PALMD: variants seen among roughly 807,000 people sequenced by gnomAD.
PALMD encodes the protein paralemmin-like protein.
In PALMD, 42 loss-of-function variants were observed where a neutral mutation model predicts 56.2. That is an observed-to-expected ratio of 0.75 (90% confidence interval 0.58 to 0.97). The LOEUF is 0.97. Ranked by LOEUF, PALMD falls within the 50% of genes least tolerant of loss-of-function variation. The probability of loss-of-function intolerance (pLI) is 0.00; values close to 1 mark genes in which losing one functional copy is unlikely to be tolerated. For synonymous variants in PALMD, 242 were observed against 222.9 expected (o/e 1.09, Z -0.76); for missense variants, 660 against 643.8 (o/e 1.03, Z -0.27).
intron 1 of PALMD, among the ~76,000 whole-genome samples, chr1:99,660,083 C>T (rs1246649685): frequency 6.6e-6 from 1 of 152,232 alleles, no homozygotes; most frequent in Non-Finnish European, 1.5e-5. Context: ...ATGCTCTTCT[C>T]TATGGGCTTT....
intron 3 of PALMD, among the ~76,000 whole-genome samples, chr1:99,674,254 G>T (rs1013386320): frequency 3.3e-5 from 5 of 151,724 alleles, no homozygotes; most frequent in Non-Finnish European, 5.9e-5. Flanking sequence ...ATGGTTACTG[G>T]CCCCCACCAT....
intron 1 of PALMD, among the ~76,000 whole-genome samples, chr1:99,655,338 A>G (rs1652698112): frequency 6.6e-6 from 1 of 152,156 alleles, no homozygotes; most frequent in East Asian, 1.9e-4. Context: ...TATTATTAAA[A>G]CCGTCTTAAC....
At chr1:99,648,378 C>T (rs146334032) in intron 1 of PALMD, among the ~76,000 whole-genome samples, 27 of 152,240 alleles carry the variant, frequency 1.8e-4, no homozygotes, top group African/African-American at 6.5e-4. Context: ...TCCTCGCCCT[C>T]GCCCTTGCCT....
At position 99,686,684 on chromosome 1, in the gene PALMD, AAG is replaced by A. The variant is rs1288902971; in HGVS notation, c.264_265del (p.Glu88AspfsTer5). ...TACCTTTTTGTTGTCAGGCTTGAGA[AAG>A]AGATCCAAGATCTTGAAAAAGCTGA... On this transcript the variant is annotated frameshift_variant, in exon 4 of 8. Coordinates refer to ENST00000263174, the MANE Select transcript of PALMD (RefSeq NM_017734.5). LOFTEE classifies it high-confidence loss of function. 6.4e-7 allele frequency: 1 copy of A among 1,574,356 alleles called. No homozygotes were observed. The highest frequency in any genetic ancestry group is 1.7e-5 in the Admixed American group (1 of 57,816).
intron 3 of PALMD, among the ~76,000 whole-genome samples, chr1:99,681,316 T>C (rs535546702): frequency 6.6e-6 from 1 of 152,258 alleles, no homozygotes; most frequent in Non-Finnish European, 1.5e-5. Flanking sequence ...TGATTTCAAA[T>C]TCCATCCTAT....
chr1:99,646,243 C>G lies in PALMD; in HGVS notation c.-75C>G. 1.7e-6 allele frequency: 2 copies of G among 1,184,120 alleles called. No homozygotes were observed. Among genetic ancestry groups the G allele is most frequent in the Non-Finnish European group, 2.5e-6 (2 of 789,174 alleles). 73.4% of individuals were successfully genotyped at this position (1,184,120 alleles called of 1,614,324 possible). ...TGCTTCTCTTCTGTCACCCCCGCTC[C>G]TCTCCCCCAGGAGGCTCCTTGATTT... On this transcript the variant is annotated 5_prime_UTR_variant, in exon 1 of 8. Coordinates refer to ENST00000263174, the MANE Select transcript of PALMD (RefSeq NM_017734.5).
At chr1:99,655,759 C>T (rs540291857) in intron 1 of PALMD, among the ~76,000 whole-genome samples, 6 of 152,296 alleles carry the variant, frequency 3.9e-5, no homozygotes, top group East Asian at 3.9e-4. Flanking sequence ...GCTTTGATTT[C>T]GCTTTAGACA....
chr1:99,693,979 A>AT (rs776843358), intron 7 of PALMD, 40 bp from the exon 8 acceptor site: 60 of 1,479,536 alleles, frequency 4.1e-5, no homozygotes, highest in Middle Eastern at 1.8e-4. Flanking sequence ...AAAATTGAGG[A>AT]TTTTTTTTAT....
chr1:99,685,031 G>T (rs79045883), intron 3 of PALMD: 11 of 152,162 alleles, frequency 7.2e-5, no homozygotes, highest in Admixed American at 1.3e-4. Context: ...GCACCCTGTG[G>T]GACAGGGGAT....
At chr1:99,683,204 T>C (rs2100872634) in intron 3 of PALMD, 1 of 151,926 alleles carries the variant, frequency 6.6e-6, no homozygotes, top group Admixed American at 6.6e-5. Flanking sequence ...ATTGACCAGA[T>C]CTCTAAATGT....
intron 1 of PALMD, among the ~76,000 whole-genome samples, chr1:99,655,940 ACACACACATG>A (rs1052866847): frequency 6.3e-5 from 2 of 31,962 alleles, no homozygotes; most frequent in Non-Finnish European, 1.6e-4. Context: ...ACACGCACAC[ACACACACATG>A]CACACACACA....
chr1:99,662,296 A>T, intron 1 of PALMD, 23 bp from the exon 2 acceptor site: 1 of 1,249,522 alleles, frequency 8.0e-7, no homozygotes, highest in Non-Finnish European at 1.2e-6. Context: ...AAAATAAAAT[A>T]TACTGGAACT....
rs540795066 is a variant in PALMD, at chr1:99,671,129, T to G, written c.251+3363T>G. ...TCTGAATGTGATTTATCACTTGACT[T>G]ACGTGCCTGCTCGAGGGTGACATTT... On this transcript the variant is annotated intron_variant, in intron 3 of 7. Coordinates refer to ENST00000263174, the MANE Select transcript of PALMD (RefSeq NM_017734.5). 3.3e-5 allele frequency among the ~76,000 whole-genome samples: 5 copies of G among 152,292 alleles called. No homozygotes were observed. The South Asian group carries it at 1.0e-3, about 32-fold the overall frequency.
At chr1:99,651,230 G>A (rs1014310839) in intron 1 of PALMD, among the ~76,000 whole-genome samples, 4 of 152,172 alleles carry the variant, frequency 2.6e-5, no homozygotes, top group African/African-American at 9.6e-5. Flanking sequence ...AATGTGGTAC[G>A]CCACACTTCT....
At chr1:99,653,053 T>C (rs1652631015) in intron 1 of PALMD, among the ~76,000 whole-genome samples, 1 of 152,154 alleles carries the variant, frequency 6.6e-6, no homozygotes, top group Non-Finnish European at 1.5e-5. Flanking sequence ...TCCCACTTCC[T>C]TTACGTAGCC....
chr1:99,650,147 A>C (rs1652532630), intron 1 of PALMD, among the ~76,000 whole-genome samples: 1 of 152,100 alleles, frequency 6.6e-6, no homozygotes. Context: ...GAGTTCTGTC[A>C]AAAGTTAGAC....
At chr1:99,667,423 G>C (rs1422385009) in intron 2 of PALMD, among the ~76,000 whole-genome samples, 1 of 152,110 alleles carries the variant, frequency 6.6e-6, no homozygotes, top group East Asian at 1.9e-4. Flanking sequence ...ACTAAACCTT[G>C]AAGTATAAAT....
chr1:99,664,171 T>C (rs964497649), intron 2 of PALMD, among the ~76,000 whole-genome samples: 12 of 152,172 alleles, frequency 7.9e-5, no homozygotes, highest in African/African-American at 2.7e-4. Flanking sequence ...GTGTGTGGCA[T>C]GGAGCAGGGC....
rs1653586098 is a variant in PALMD at position 99,688,810 on chromosome 1, T to C, written c.550T>C (p.Leu184=). The stretch of plus-strand genomic sequence containing the variant: ...CATGGAAATTAAAGTTGAAAAAGAC[T>C]TGAAGACTGGAGAAAGTACAGTTCT... ...YAMEIKVEKD[L]KTGESTVLSS... Residue 184 remains leucine, a synonymous_variant, in exon 7 of 8, where the codon TTG becomes CTG. Coordinates refer to ENST00000263174, the MANE Select transcript of PALMD (RefSeq NM_017734.5). The C allele has an allele frequency of 1.2e-6, 2 of 1,608,490 alleles. No homozygotes were observed. Among genetic ancestry groups the C allele is most frequent in the Non-Finnish European group, 1.7e-6 (2 of 1,176,690 alleles).
Sources: gnomAD v4.1 joint callset for allele counts (sites outside exome capture counted in the v4.1 genomes callset) on GRCh38, gnomAD v4.1.1 for gene constraint, MANE v1.5 for transcripts, NCBI Gene and HGNC (gene_info 2026-07-23, HGNC 2026-07-21) for gene names.